The following ITGA9 variants were observed in gnomAD, a reference collection of about 807,000 sequenced individuals.
The protein encoded by ITGA9 is integrin alpha-9.
Under a neutral mutation model 127.8 loss-of-function variants are expected in ITGA9, and 56 were observed. The observed-to-expected ratio is 0.44, with a 90% CI of 0.35 to 0.55. ITGA9 has a LOEUF of 0.55. ITGA9 is among the 20% of genes least tolerant of loss of function. The pLI is 0.00. For synonymous variants in ITGA9, 508 were observed against 514.5 expected (o/e 0.99, Z 0.17); for missense variants, 1,196 against 1,347.1 (o/e 0.89, Z 1.76).
rs150603279 is a variant in ITGA9 at position 37,803,721 on chromosome 3, C to G, written c.2890-102C>G. 7.2e-4 allele frequency: 997 copies of G among 1,378,936 alleles called. 10 individuals are homozygous for G. The African/African-American group carries it at 0.011, about 15-fold the overall frequency. 85.4% of individuals were successfully genotyped at this position (1,378,936 alleles called of 1,614,324 possible). A position where few individuals can be genotyped will look rare whatever the true frequency, so the allele number is the denominator to read the frequency against. ...CCCAGGAGGTAGAGGTTGCAGTGAG[C>G]CGAGATTGTGCCATTGCACTCCAGC... On this transcript the variant is annotated intron_variant, in intron 26 of 27. Transcript: ENST00000264741.
At chr3:37,460,763 G>A (rs1698308341) in intron 1 of ITGA9, among the ~76,000 whole-genome samples, 1 of 151,844 alleles carries the variant, frequency 6.6e-6, no homozygotes, top group Non-Finnish European at 1.5e-5. Context: ...CTAATTTTTT[G>A]TATTTTTAGT....
At position 37,512,003 on chromosome 3, in the gene ITGA9, CTTTT is replaced by C. The variant is rs1559524372; in HGVS notation, c.898-1759_898-1756del. 1.0e-3 allele frequency among the ~76,000 whole-genome samples: 38 copies of C among 36,206 alleles called. 3 individuals are homozygous for C. Among genetic ancestry groups the C allele is most frequent in the Non-Finnish European group, 1.5e-3 (20 of 13,404 alleles). 23.8% of individuals were successfully genotyped at this position (36,206 alleles called of 152,430 possible). On this transcript the variant is annotated intron_variant, in intron 8 of 27. Transcript: ENST00000264741. Reference sequence around the variant, plus strand: ...CTTTTCTTTTCTTTTCTTTTCTTTTCTTTTCTTTTCTTTTCTTTTCTTTTCTTTC... The same window carrying C: ...CTTTTCTTTTCTTTTCTTTTCTTTTCCTTTTCTTTTCTTTTCTTTTCTTTC...
At chr3:37,787,808 C>A (rs1041056589) in intron 26 of ITGA9, among the ~76,000 whole-genome samples, 1 of 152,088 alleles carries the variant, frequency 6.6e-6, no homozygotes, top group African/African-American at 2.4e-5. Flanking sequence ...AGATTAGGCA[C>A]CAAATTGTTA....
At chr3:37,810,328 C>A (rs554109335) in intron 27 of ITGA9, among the ~76,000 whole-genome samples, 6 of 152,340 alleles carry the variant, frequency 3.9e-5, no homozygotes, top group African/African-American at 1.4e-4. Flanking sequence ...TGGCCAGCAC[C>A]TTCACTAGGC....
At chr3:37,632,788 T>C (rs1700240520) in intron 16 of ITGA9, among the ~76,000 whole-genome samples, 1 of 152,210 alleles carries the variant, frequency 6.6e-6, no homozygotes, top group Admixed American at 6.5e-5. Flanking sequence ...TTAGACTTTT[T>C]ATAAGCAAGA....
At chr3:37,510,970 T>G (rs1224154412) in intron 8 of ITGA9, among the ~76,000 whole-genome samples, 1 of 152,178 alleles carries the variant, frequency 6.6e-6, no homozygotes, top group Non-Finnish European at 1.5e-5. Context: ...AAATGAGACA[T>G]TCATGTCTTT....
intron 11 of ITGA9, among the ~76,000 whole-genome samples, 198 bp downstream of exon 11, chr3:37,519,552 G>A (rs985726053): frequency 6.6e-6 from 1 of 152,156 alleles, no homozygotes; most frequent in Non-Finnish European, 1.5e-5. Flanking sequence ...TCCCAAGTTC[G>A]CTAACACTCA....
At chr3:37,617,492 G>A (rs1301092580) in intron 15 of ITGA9, among the ~76,000 whole-genome samples, 4 of 152,140 alleles carry the variant, frequency 2.6e-5, no homozygotes, top group Admixed American at 2.6e-4. Flanking sequence ...TGTATTTCCT[G>A]AATTTGAATG....
chr3:37,697,199 G>A (rs1463464238), intron 18 of ITGA9, among the ~76,000 whole-genome samples: 2 of 151,922 alleles, frequency 1.3e-5, no homozygotes, highest in African/African-American at 4.8e-5. Flanking sequence ...TTACCAACAG[G>A]TAATGTACAG....
chr3:37,619,168 A>C (rs1361355545), intron 15 of ITGA9, among the ~76,000 whole-genome samples: 1 of 151,830 alleles, frequency 6.6e-6, no homozygotes, highest in Non-Finnish European at 1.5e-5. Context: ...ATGGCAAGGA[A>C]GTGTCAAAAT....
At chr3:37,655,586 G>A (rs1575182261) in intron 17 of ITGA9, among the ~76,000 whole-genome samples, 1 of 152,090 alleles carries the variant, frequency 6.6e-6, no homozygotes, top group African/African-American at 2.4e-5. Context: ...GTAGATTCTG[G>A]ATATTAGCCC....
intron 18 of ITGA9, among the ~76,000 whole-genome samples, chr3:37,697,853 A>G (rs565916972): frequency 6.6e-6 from 1 of 152,344 alleles, no homozygotes; most frequent in African/African-American, 2.4e-5. Context: ...TACACCCAAT[A>G]ATGGGATGGC....
chr3:37,629,147 A>G lies in ITGA9; in HGVS notation c.1690-40A>G. The G allele has an allele frequency of 6.2e-7, 1 of 1,610,950 alleles. No individual in the cohort carries two copies. The highest frequency in any genetic ancestry group is 2.2e-5 in the East Asian group (1 of 44,876). On this transcript the variant is annotated intron_variant, in intron 15 of 27. Transcript: ENST00000264741. This position sits in a 1 kb window ranked among gnomAD's most constrained non-coding sequence, Gnocchi z 4.5. Reference sequence around the variant, plus strand: ...GTGAAATGCTCTACGACTGTCAGCCAGGATTAGTAGTTAATGCACGTATTT... The same window carrying G: ...GTGAAATGCTCTACGACTGTCAGCCGGGATTAGTAGTTAATGCACGTATTT...
At chr3:37,681,930 C>T (rs771028821) in intron 17 of ITGA9, among the ~76,000 whole-genome samples, 4 of 152,120 alleles carry the variant, frequency 2.6e-5, no homozygotes, top group Admixed American at 6.5e-5. Context: ...GAGGAATTCC[C>T]GCATGTTCCT....
rs568091918 is a variant in ITGA9, at chr3:37,773,361, C to T, written c.2542-4031C>T. On this transcript the variant is annotated intron_variant, in intron 23 of 27. Transcript: ENST00000264741. ...CAGGGCTGCAGAAAACAGTTTCCAG[C>T]GGTCTGTCAGCAGATGTCCACTCCA... 1.7e-4 allele frequency among the ~76,000 whole-genome samples: 26 copies of T among 152,336 alleles called. No individual in the cohort carries two copies. The East Asian group carries it at 4.4e-3, about 26-fold the overall frequency.
intron 18 of ITGA9, among the ~76,000 whole-genome samples, chr3:37,731,318 C>T (rs1696289636): frequency 1.3e-5 from 2 of 152,072 alleles, no homozygotes; most frequent in South Asian, 4.1e-4. Context: ...CCCGGGTTCA[C>T]GCCATTCTCC....
chr3:37,761,968 A>G (rs1477962903), intron 23 of ITGA9, among the ~76,000 whole-genome samples: 2 of 151,988 alleles, frequency 1.3e-5, no homozygotes, highest in East Asian at 3.9e-4. Flanking sequence ...TGAATAATCC[A>G]CTCCTTTTTT....
chr3:37,687,282 T>G (rs1472859844), intron 18 of ITGA9, among the ~76,000 whole-genome samples: 1 of 152,020 alleles, frequency 6.6e-6, no homozygotes, highest in Non-Finnish European at 1.5e-5. Flanking sequence ...TATGTTATAG[T>G]CAGGAAAGAG....
chr3:37,713,790 C>T (rs549709426), intron 18 of ITGA9, among the ~76,000 whole-genome samples: 3 of 152,324 alleles, frequency 2.0e-5, no homozygotes, highest in Admixed American at 6.5e-5. Context: ...CCTAAAGGCC[C>T]GGGCTGCTCT....
Sources: gnomAD v4.1 joint callset for allele counts (sites outside exome capture counted in the v4.1 genomes callset) on GRCh38, gnomAD v4.1.1 for gene constraint, Gnocchi (gnomAD v3.1) non-coding constraint, MANE v1.5 for transcripts, NCBI Gene and HGNC (gene_info 2026-07-23, HGNC 2026-07-21) for gene names.